SGIP1: variants seen among roughly 807,000 people sequenced by gnomAD.
The protein encoded by SGIP1 is SH3GL interacting endocytic adaptor 1.
SGIP1 carries 38 observed loss-of-function variants against 107.5 expected under a neutral mutation model. The ratio of observed to expected loss-of-function variants is 0.35; its 90% CI spans 0.27 to 0.46. The LOEUF (loss-of-function observed/expected upper bound fraction) is 0.46. Ranked by LOEUF, SGIP1 falls within the 20% of genes least tolerant of loss-of-function variation. The pLI, the probability that SGIP1 is intolerant of heterozygous loss-of-function variation, is 1.00. For synonymous variants in SGIP1, 365 were observed against 366.1 expected (o/e 1.00, Z 0.03); for missense variants, 929 against 1,019.5 (o/e 0.91, Z 1.21).
rs77033379 is a variant in SGIP1 at position 66,713,350 on chromosome 1, C to A, written c.1631-5944C>A. Among the ~76,000 whole-genome samples the A allele has an allele frequency of 6.7e-4, 102 of 152,156 alleles. No individual in the cohort carries two copies. The East Asian group carries it at 9.3e-3, about 14-fold the overall frequency. ...CTACTACAATTACCATTAAGAGAGC[C>A]AGAAAATCTAGGATTGAATTTCAGC... is the stretch of plus-strand genomic sequence containing the variant. On this transcript the variant is annotated intron_variant, in intron 18 of 24. Transcript: ENST00000371037.
chr1:66,562,696 G>A (rs2059127053), intron 1 of SGIP1, among the ~76,000 whole-genome samples: 1 of 152,026 alleles, frequency 6.6e-6, no homozygotes, highest in Non-Finnish European at 1.5e-5. Context: ...ACTTGCCCCT[G>A]GGCAGAGCCA....
intron 2 of SGIP1, among the ~76,000 whole-genome samples, chr1:66,630,547 C>T (rs2074050039): frequency 6.6e-6 from 1 of 151,884 alleles, no homozygotes; most frequent in South Asian, 2.1e-4. Flanking sequence ...TGGCTCACAC[C>T]TGTAATTCCA....
chr1:66,571,937 CA>C (rs2060435584), intron 1 of SGIP1, among the ~76,000 whole-genome samples: 1 of 152,112 alleles, frequency 6.6e-6, no homozygotes, highest in South Asian at 2.1e-4. Flanking sequence ...TCCATTGGGA[CA>C]AACATCTTGG....
chr1:66,647,671 A>G (rs747125439), intron 7 of SGIP1, among the ~76,000 whole-genome samples: 8 of 152,224 alleles, frequency 5.3e-5, no homozygotes, highest in Non-Finnish European at 1.0e-4. Context: ...ATGTTCTAAA[A>G]TAATTTTCTA....
At chr1:66,729,140 G>T in intron 19 of SGIP1, 124 bp from the exon 20 acceptor site, 5 of 1,104,912 alleles carry the variant, frequency 4.5e-6, no homozygotes, top group Non-Finnish European at 6.5e-6. Context: ...GGAATTGTAA[G>T]AGCCTGCCTT....
At chr1:66,624,304 A>G (rs1223444634) in intron 1 of SGIP1, among the ~76,000 whole-genome samples, 1 of 152,230 alleles carries the variant, frequency 6.6e-6, no homozygotes, top group African/African-American at 2.4e-5. Context: ...TAAGACAATT[A>G]GAGGTGAGAA....
intron 1 of SGIP1, among the ~76,000 whole-genome samples, chr1:66,571,943 T>C (rs2148613790): frequency 6.6e-6 from 1 of 152,116 alleles, no homozygotes; most frequent in Admixed American, 6.6e-5. Context: ...GGGACAAACA[T>C]CTTGGCCAGA....
intron 3 of SGIP1, among the ~76,000 whole-genome samples, 156 bp downstream of exon 3, chr1:66,633,250 G>A (rs985030184): frequency 3.3e-5 from 5 of 151,902 alleles, no homozygotes; most frequent in African/African-American, 9.7e-5. Flanking sequence ...AATTGCATGG[G>A]ACATAAACAT....
intron 18 of SGIP1, among the ~76,000 whole-genome samples, chr1:66,706,432 A>G (rs1038402820): frequency 7.6e-6 from 1 of 131,532 alleles, no homozygotes; most frequent in African/African-American, 2.7e-5. Flanking sequence ...GATATAATTT[A>G]TATAGAGATA....
chr1:66,618,884 G>A (rs1472603663), intron 1 of SGIP1, among the ~76,000 whole-genome samples: 1 of 152,162 alleles, frequency 6.6e-6, no homozygotes, highest in Non-Finnish European at 1.5e-5. Context: ...AATGATAGCT[G>A]GAAGGCAGTC....
At chr1:66,603,559 G>A (rs868276288) in intron 1 of SGIP1, among the ~76,000 whole-genome samples, 1 of 152,018 alleles carries the variant, frequency 6.6e-6, no homozygotes, top group African/African-American at 2.4e-5. Context: ...ATCTAGAACC[G>A]ATCACACAGA....
intron 18 of SGIP1, among the ~76,000 whole-genome samples, chr1:66,695,708 C>G (rs749362046): frequency 6.6e-6 from 1 of 152,090 alleles, no homozygotes; most frequent in African/African-American, 2.4e-5. Flanking sequence ...AAAAAAAGTT[C>G]AAGCTAATTT....
At chr1:66,582,917 A>C (rs1437065483) in intron 1 of SGIP1, among the ~76,000 whole-genome samples, 3 of 151,906 alleles carry the variant, frequency 2.0e-5, no homozygotes, top group Admixed American at 1.3e-4. Context: ...AAAAAAAAAG[A>C]AGCAACATAA....
chr1:66,576,367 G>A (rs1314673248), intron 1 of SGIP1, among the ~76,000 whole-genome samples: 3 of 152,130 alleles, frequency 2.0e-5, no homozygotes, highest in Non-Finnish European at 4.4e-5. Flanking sequence ...TAGGAGCATG[G>A]GCTTCTGGAG....
intron 5 of SGIP1, among the ~76,000 whole-genome samples, chr1:66,640,343 T>G (rs2076545424): frequency 6.6e-6 from 1 of 152,194 alleles, no homozygotes. Context: ...AAATGCTTTT[T>G]TAATATTAAA....
At chr1:66,552,596 C>A (rs952713017) in intron 1 of SGIP1, among the ~76,000 whole-genome samples, 5 of 152,148 alleles carry the variant, frequency 3.3e-5, no homozygotes, top group African/African-American at 1.2e-4. Flanking sequence ...CACCTTAACC[C>A]AATTTCACTT....
At chr1:66,686,677 G>C (rs1213560515) in intron 15 of SGIP1, among the ~76,000 whole-genome samples, 1 of 152,116 alleles carries the variant, frequency 6.6e-6, no homozygotes, top group African/African-American at 2.4e-5. Flanking sequence ...GGTTTTAACT[G>C]AAATATCCTT....
At chr1:66,714,563 G>A (rs901346551) in intron 18 of SGIP1, among the ~76,000 whole-genome samples, 2 of 152,144 alleles carry the variant, frequency 1.3e-5, no homozygotes, top group African/African-American at 2.4e-5. Context: ...CAAATCTCCA[G>A]TGAGGTTATG....
intron 3 of SGIP1, chr1:66,634,260 TCTG>T: frequency 1.1e-6 from 1 of 896,076 alleles, no homozygotes; most frequent in Non-Finnish European, 1.8e-6. Flanking sequence ...TGTTAGCTAC[TCTG>T]CTTTCTATCC....
Sources: gnomAD v4.1 joint callset for allele counts (sites outside exome capture counted in the v4.1 genomes callset) on GRCh38, gnomAD v4.1.1 for gene constraint, MANE v1.5 for transcripts, NCBI Gene and HGNC (gene_info 2026-07-23, HGNC 2026-07-21) for gene names.